Variants in ADCY10 observed in about 807,000 individuals in gnomAD.
The protein encoded by ADCY10 is adenylate cyclase 10.
ADCY10 carries 156 observed loss-of-function variants against 183.3 expected under a neutral mutation model. That is an observed-to-expected ratio of 0.85 (90% CI 0.75 to 0.97). The LOEUF (loss-of-function observed/expected upper bound fraction) is 0.97, where lower values mean the gene tolerates loss of function less well. ADCY10 is among the 50% of genes least tolerant of loss of function. The pLI, the probability that ADCY10 is intolerant of heterozygous loss-of-function variation, is 0.00. For missense variants in ADCY10, 1,745 were observed against 1,934.3 expected (o/e 0.90, Z 1.84); for synonymous variants, 645 against 670.0 (o/e 0.96, Z 0.58).
chr1:167,848,368 T>C lies in ADCY10; in HGVS notation c.2430A>G (p.Ser810=), dbSNP rs148381169. 6.2e-7 allele frequency: 1 copy of C among 1,613,584 alleles called. No individual in the cohort carries two copies. The highest frequency in any genetic ancestry group is 1.7e-5 in the Admixed American group (1 of 60,016). ...VRLKNLSPPT[S]LKEISLIQLD... ...CCGGCCAGATTTTCTTACCTTTTAA[T>C]GACGTTGGAGGTGACAGGTTTTTCA... The change falls in exon 19 of 33, where the codon TCA becomes TCG. Residue 810 remains serine, a synonymous_variant. Coordinates refer to ENST00000367851, the MANE Select transcript of ADCY10 (RefSeq NM_018417.6).
Position 167,904,626 on chromosome 1 carries a change from T to A in ADCY10, c.148+367A>T, listed in dbSNP as rs988306275. 1.8e-4 allele frequency: 93 copies of A among 526,242 alleles called. 1 individual carries two copies. The East Asian group carries it at 2.0e-3, about 12-fold the overall frequency. 32.6% of individuals were successfully genotyped at this position (526,242 alleles called of 1,614,324 possible). On this transcript the variant is annotated intron_variant, in intron 2 of 32. Transcript: ENST00000367851. ...AAACACTTCTGAAGAGGTGGCAAGT[T>A]TATTAGTAAGATGTAAACATCATCT...
At chr1:167,858,731 T>TA (rs1558196028) in intron 16 of ADCY10, among the ~76,000 whole-genome samples, 3 of 152,098 alleles carry the variant, frequency 2.0e-5, no homozygotes, top group Non-Finnish European at 2.9e-5. Context: ...TTCTCTAGGT[T>TA]AAAAAAAATC....
intron 1 of ADCY10, among the ~76,000 whole-genome samples, chr1:167,906,716 G>A (rs1669848284): frequency 6.6e-6 from 1 of 152,110 alleles, no homozygotes; most frequent in African/African-American, 2.4e-5. Flanking sequence ...TTGAGCCCAG[G>A]AGGTCAAGGC....
intron 1 of ADCY10, among the ~76,000 whole-genome samples, chr1:167,907,794 T>G (rs1669914396): frequency 6.6e-6 from 1 of 152,354 alleles, no homozygotes; most frequent in African/African-American, 2.4e-5. Context: ...ATATTGACTT[T>G]AAGGCATTTG....
chr1:167,858,532 G>A (rs1666068094), intron 16 of ADCY10, among the ~76,000 whole-genome samples: 1 of 144,812 alleles, frequency 6.9e-6, no homozygotes, highest in Admixed American at 7.0e-5. Context: ...AGAGGCTCAC[G>A]ATTTCCTGAG....
At chr1:167,868,722 G>A (rs1404032021) in intron 14 of ADCY10, among the ~76,000 whole-genome samples, 1 of 152,160 alleles carries the variant, frequency 6.6e-6, no homozygotes, top group African/African-American at 2.4e-5. Context: ...TATGCTTTCC[G>A]CGAAAAGCGA....
In ADCY10 at chr1:167,880,505, T is replaced by C. The variant is rs1001446417; in HGVS notation, c.1125A>G (p.Gln375=). The C allele has an allele frequency of 6.2e-7, 1 of 1,613,814 alleles. No homozygotes were observed. Among genetic ancestry groups the C allele is most frequent in the Non-Finnish European group, 8.5e-7 (1 of 1,179,692 alleles). The part of the protein sequence containing the change: ...CAMDIFDFCS[Q]VHKIQTVSIG... ...TCAATACTCACTGGATTTTGTGGAC[T>C]TGAGAGCAGAAGTCAAATATATCCA... The change falls in exon 10 of 33, where the codon CAA becomes CAG. Residue 375 remains glutamine (Q), a synonymous_variant. Coordinates refer to ENST00000367851, the MANE Select transcript of ADCY10 (RefSeq NM_018417.6).
chr1:167,880,293 G>A (rs2102242822), intron 10 of ADCY10, 102 bp from the exon 11 acceptor site: 1 of 1,168,516 alleles, frequency 8.6e-7, no homozygotes, highest in East Asian at 2.5e-5. Context: ...GAAAGGGTGG[G>A]AAAGGATTTT....
chr1:167,824,883 AG>A lies in ADCY10; in HGVS notation c.3751-29del, dbSNP rs754898761. 3 of 1,602,114 alleles carry A rather than the reference AG, an allele frequency of 1.9e-6. No individual in the cohort carries two copies. The South Asian group carries it at 3.3e-5, about 18-fold the overall frequency. The stretch of plus-strand genomic sequence containing the variant: ...GAAATGGCAGAGTGGAGGAAGAGTG[AG>A]GCAGAACGCAAAGCAGAAAGCTCAG... On this transcript the variant is annotated intron_variant, in intron 26 of 32. Transcript: ENST00000367851.
intron 10 of ADCY10, 125 bp downstream of exon 10, chr1:167,880,366 A>G: frequency 1.1e-6 from 1 of 951,136 alleles, no homozygotes; most frequent in African/African-American, 1.6e-5. Context: ...AGGAGGAACA[A>G]CAGTTTGAGA....
In ADCY10 at chr1:167,905,177, A is replaced by G. The variant is rs774966402; in HGVS notation, c.-37T>C. The G allele has an allele frequency of 1.2e-6, 2 of 1,612,962 alleles. No individual in the cohort carries two copies. Among genetic ancestry groups the G allele is most frequent in the Non-Finnish European group, 1.7e-6 (2 of 1,179,044 alleles). On this transcript the variant is annotated 5_prime_UTR_variant, in exon 2 of 33. Coordinates refer to ENST00000367851, the MANE Select transcript of ADCY10 (RefSeq NM_018417.6). ...ATGTTCAGGATTTTATGGTGACAGG[A>G]AGCAGTCTCCAAATAGGTCTTCTAA...
intron 8 of ADCY10, among the ~76,000 whole-genome samples, chr1:167,888,652 G>A (rs1055689525): frequency 6.6e-6 from 1 of 151,954 alleles, no homozygotes; most frequent in Non-Finnish European, 1.5e-5. Context: ...CGAGGCGGGC[G>A]GATCACGAGG....
chr1:167,912,893 A>G (rs1670241658), intron 1 of ADCY10, among the ~76,000 whole-genome samples: 1 of 152,226 alleles, frequency 6.6e-6, no homozygotes, highest in African/African-American at 2.4e-5. Context: ...GCACAGAGGT[A>G]TTAACTTGCT....
At chr1:167,851,183 G>A (rs2101996241) in intron 18 of ADCY10, among the ~76,000 whole-genome samples, 1 of 152,006 alleles carries the variant, frequency 6.6e-6, no homozygotes, top group East Asian at 1.9e-4. Context: ...TCTTTTGTTT[G>A]TTTGTTTGTT....
At chr1:167,829,917 G>T (rs1369462301) in intron 25 of ADCY10, among the ~76,000 whole-genome samples, 1 of 152,180 alleles carries the variant, frequency 6.6e-6, no homozygotes, top group African/African-American at 2.4e-5. Flanking sequence ...ATTGCACACT[G>T]CTTTCAGGAA....
chr1:167,841,502 C>CTTTTTTTTTTTT (rs71100905), intron 21 of ADCY10, among the ~76,000 whole-genome samples: 9 of 90,900 alleles, frequency 9.9e-5, no homozygotes, highest in South Asian at 3.6e-4. Context: ...ATATGCTTTC[C>CTTTTTTTTTTTT]TTTTTTTTTT....
intron 30 of ADCY10, chr1:167,820,105 A>C: frequency 6.4e-7 from 1 of 1,568,350 alleles, no homozygotes; most frequent in Middle Eastern, 1.8e-4. Flanking sequence ...TCCTGACATC[A>C]ACGTTTCCTT....
intron 21 of ADCY10, among the ~76,000 whole-genome samples, chr1:167,840,056 AAAAAAAAAAAAGAAAAG>A (rs1664501329): frequency 6.7e-6 from 1 of 150,114 alleles, no homozygotes; most frequent in African/African-American, 2.4e-5. Flanking sequence ...CTGTCTATAA[AAAAAAAAAAAAGAAAAG>A]AAAAAAAAAT....
intron 21 of ADCY10, among the ~76,000 whole-genome samples, chr1:167,839,862 A>C (rs1214540323): frequency 5.3e-5 from 8 of 152,190 alleles, no homozygotes; most frequent in Admixed American, 5.2e-4. Context: ...TGTTGAAAAT[A>C]AATCAATCAG....
Sources: gnomAD v4.1 joint callset for allele counts (sites outside exome capture counted in the v4.1 genomes callset) on GRCh38, gnomAD v4.1.1 for gene constraint, MANE v1.5 for transcripts, NCBI Gene and HGNC (gene_info 2026-07-23, HGNC 2026-07-21) for gene names.